Variants in RGS9 observed in about 807,000 individuals in gnomAD.
RGS9 encodes the protein regulator of G-protein signalling 9.
RGS9 carries 78 observed loss-of-function variants against 102.0 expected under a neutral mutation model. That is an observed-to-expected ratio of 0.76 (90% CI 0.64 to 0.92). The LOEUF is 0.92. RGS9 is among the 40% of genes least tolerant of loss of function. The pLI, the probability that RGS9 is intolerant of heterozygous loss-of-function variation, is 0.00. For synonymous variants in RGS9, 353 were observed against 318.6 expected (o/e 1.11, Z -1.15); for missense variants, 833 against 866.1 (o/e 0.96, Z 0.48).
At chr17:65,221,569 C>A (rs1913707670) in intron 17 of RGS9, among the ~76,000 whole-genome samples, 1 of 152,192 alleles carries the variant, frequency 6.6e-6, no homozygotes, top group Admixed American at 6.5e-5. Context: ...TGCTGCATAA[C>A]AATGACCACA....
chr17:65,196,319 T>C (rs1003127480), intron 12 of RGS9, among the ~76,000 whole-genome samples: 2 of 152,222 alleles, frequency 1.3e-5, no homozygotes, highest in Non-Finnish European at 2.9e-5. Context: ...CCCATAGACA[T>C]GAATTGTGCC....
rs1026603314 is a variant in RGS9 at position 65,150,547 on chromosome 17, G to A, written c.58-2875G>A. Reference sequence around the variant, plus strand: ...TGAGGCAAGAGAATCATTTGAACTCGGGAGGCGGAGATTGCAGTGAGCTGA... The same window carrying A: ...TGAGGCAAGAGAATCATTTGAACTCAGGAGGCGGAGATTGCAGTGAGCTGA... On this transcript the variant is annotated intron_variant, in intron 1 of 18. Coordinates refer to ENST00000262406, the MANE Select transcript of RGS9 (RefSeq NM_003835.4). 5.9e-5 allele frequency among the ~76,000 whole-genome samples: 9 copies of A among 152,190 alleles called. No individual in the cohort carries two copies. In the South Asian group the frequency reaches 6.2e-4, roughly 11 times the overall value.
intron 14 of RGS9, 56 bp downstream of exon 14, chr17:65,202,136 C>A: frequency 8.2e-7 from 1 of 1,225,322 alleles, no homozygotes; most frequent in Admixed American, 1.7e-5. Flanking sequence ...AGGACCACCC[C>A]ATTGTGCTTG....
chr17:65,198,462 G>T (rs1184536419), intron 13 of RGS9, among the ~76,000 whole-genome samples: 1 of 152,138 alleles, frequency 6.6e-6, no homozygotes, highest in Non-Finnish European at 1.5e-5. Flanking sequence ...CGCCATGTTG[G>T]CCAGGCTGGT....
chr17:65,214,652 A>G (rs1368777236), intron 17 of RGS9, among the ~76,000 whole-genome samples: 1 of 152,232 alleles, frequency 6.6e-6, no homozygotes, highest in African/African-American at 2.4e-5. Flanking sequence ...TTATTGGGTC[A>G]GGAAAAGGTG....
chr17:65,171,091 G>T (rs927956108), intron 8 of RGS9, among the ~76,000 whole-genome samples: 3 of 152,154 alleles, frequency 2.0e-5, no homozygotes, highest in African/African-American at 7.2e-5. Flanking sequence ...GTGGAGTGTC[G>T]CGGCCACTCC....
At chr17:65,195,525 G>A (rs1166660122) in intron 12 of RGS9, among the ~76,000 whole-genome samples, 5 of 151,886 alleles carry the variant, frequency 3.3e-5, no homozygotes, top group African/African-American at 4.8e-5. Context: ...CAACTGTGCC[G>A]CGTACACTGA....
At chr17:65,147,222 G>A (rs923579274) in intron 1 of RGS9, among the ~76,000 whole-genome samples, 6 of 152,272 alleles carry the variant, frequency 3.9e-5, no homozygotes, top group Non-Finnish European at 7.4e-5. Flanking sequence ...TCTGTGAGCC[G>A]AGAATGTGTC....
intron 9 of RGS9, chr17:65,189,011 T>C (rs11654243): frequency 0.21 from 108,111 of 521,662 alleles, 16,206 homozygotes; most frequent in African/African-American, 0.59. Context: ...GACACCAGTT[T>C]CAAATTTAGT....
At chr17:65,167,547 G>A (rs1228110584) in intron 7 of RGS9, among the ~76,000 whole-genome samples, 1 of 152,102 alleles carries the variant, frequency 6.6e-6, no homozygotes, top group Non-Finnish European at 1.5e-5. Flanking sequence ...AAAAAGCCCC[G>A]ACGTGGCATG....
rs760192055 is a variant in RGS9 at position 65,210,595 on chromosome 17, A to C, written c.1397A>C (p.Asp466Ala). Residue 466 changes from aspartate (D) to alanine (A), a missense_variant, in exon 17 of 19, where the codon GAC becomes GCC. Coordinates refer to ENST00000262406, the MANE Select transcript of RGS9 (RefSeq NM_003835.4). ...AKAREAANTV[D>A]ITQPGQHMAP... ...GCCCGAGAAGCAGCCAACACTGTGG[A>C]CATCACCCAGGTCATGAGCAAGCTG... 6.2e-7 allele frequency: 1 copy of C among 1,613,990 alleles called. No homozygotes were observed. The highest frequency in any genetic ancestry group is 1.1e-5 in the South Asian group (1 of 91,080).
At chr17:65,215,145 G>A (rs987502888) in intron 17 of RGS9, among the ~76,000 whole-genome samples, 5 of 152,166 alleles carry the variant, frequency 3.3e-5, no homozygotes, top group Non-Finnish European at 7.3e-5. Context: ...GTGAAGACGA[G>A]TTAAGAAGTG....
At chr17:65,169,252 G>A (rs1911315843) in intron 8 of RGS9, among the ~76,000 whole-genome samples, 1 of 152,196 alleles carries the variant, frequency 6.6e-6, no homozygotes, top group African/African-American at 2.4e-5. Context: ...CTCTGTAGCG[G>A]CATGGGTTTG....
intron 17 of RGS9, among the ~76,000 whole-genome samples, chr17:65,211,026 G>T (rs1913272867): frequency 6.6e-6 from 1 of 152,240 alleles, no homozygotes; most frequent in Non-Finnish European, 1.5e-5. Context: ...GGTACACAAA[G>T]CTCTCACTGA....
intron 1 of RGS9, among the ~76,000 whole-genome samples, chr17:65,138,041 C>T (rs1392283860): frequency 6.6e-6 from 1 of 152,174 alleles, no homozygotes; most frequent in Non-Finnish European, 1.5e-5. Flanking sequence ...AAAGGGCCAC[C>T]CCATTTACAA....
At chr17:65,199,837 T>C (rs917461794) in intron 13 of RGS9, among the ~76,000 whole-genome samples, 1 of 149,568 alleles carries the variant, frequency 6.7e-6, no homozygotes, top group African/African-American at 2.5e-5. Flanking sequence ...CCTTCATTCC[T>C]TTTTAATGAC....
At chr17:65,217,020 G>A (rs187000855) in intron 17 of RGS9, among the ~76,000 whole-genome samples, 22 of 152,250 alleles carry the variant, frequency 1.4e-4, no homozygotes, top group African/African-American at 2.4e-4. Flanking sequence ...AAGCTTGGAC[G>A]AGGCCACATT....
chr17:65,155,684 G>A (rs1156953415), intron 2 of RGS9, among the ~76,000 whole-genome samples: 1 of 152,108 alleles, frequency 6.6e-6, no homozygotes, highest in East Asian at 1.9e-4. Flanking sequence ...GGGATTACCA[G>A]CTTGAGACTC....
At chr17:65,150,423 A>C (rs1434518697) in intron 1 of RGS9, among the ~76,000 whole-genome samples, 2 of 152,186 alleles carry the variant, frequency 1.3e-5, no homozygotes, top group Non-Finnish European at 2.9e-5. Context: ...GGAGTTCGAG[A>C]CCAGCCTGGC....
Sources: gnomAD v4.1 joint callset for allele counts (sites outside exome capture counted in the v4.1 genomes callset) on GRCh38, gnomAD v4.1.1 for gene constraint, MANE v1.5 for transcripts, NCBI Gene and HGNC (gene_info 2026-07-23, HGNC 2026-07-21) for gene names.